Variants in PI4K2B observed in about 807,000 individuals in gnomAD.
The protein encoded by PI4K2B is phosphatidylinositol 4-kinase type 2 beta, also known as phosphatidylinositol 4-kinase type 2-beta.
A neutral mutation model predicts 56.6 loss-of-function variants in PI4K2B; 46 were observed. The ratio of observed to expected loss-of-function variants is 0.81; its 90% CI spans 0.64 to 1.04. The LOEUF is 1.04. Among genes scored for constraint, PI4K2B ranks in the 50% least tolerant of loss-of-function variants. The pLI, the probability that PI4K2B is intolerant of heterozygous loss-of-function variation, is 0.00. For missense variants in PI4K2B, 556 were observed against 607.7 expected, an observed-to-expected ratio of 0.91 and a Z score of 0.89; for synonymous variants, 211 against 223.8, an observed-to-expected ratio of 0.94 and a Z score of 0.51.
intron 3 of PI4K2B, among the ~76,000 whole-genome samples, chr4:25,255,829 C>T (rs1716243679): frequency 1.3e-5 from 2 of 150,896 alleles, no homozygotes; most frequent in African/African-American, 4.9e-5. Flanking sequence ...GGTGCAGCCT[C>T]ATCCTGCTGG....
At chr4:25,250,886 G>A (rs1716024000) in intron 1 of PI4K2B, among the ~76,000 whole-genome samples, 1 of 152,174 alleles carries the variant, frequency 6.6e-6, no homozygotes, top group African/African-American at 2.4e-5. Flanking sequence ...ACAACCTGCT[G>A]ATTGGATGTA....
chr4:25,258,663 GC>G (rs1716347001), intron 4 of PI4K2B, among the ~76,000 whole-genome samples: 1 of 151,786 alleles, frequency 6.6e-6, no homozygotes, highest in Non-Finnish European at 1.5e-5. Flanking sequence ...TACTGAATAA[GC>G]AGGATAGGTT....
chr4:25,265,176 CAA>C (rs1560378023), intron 7 of PI4K2B, among the ~76,000 whole-genome samples: 1 of 86,088 alleles, frequency 1.2e-5, no homozygotes, highest in Admixed American at 2.0e-4. Context: ...GCCTGGGCAA[CAA>C]GAGTAAATCT....
rs1292324560 is a variant in PI4K2B, at chr4:25,255,072, T to C, written c.431T>C (p.Ile144Thr). The change falls in exon 3 of 10, where the codon ATT becomes ACT. Residue 144 changes from isoleucine to threonine, a missense_variant. Coordinates refer to ENST00000264864, the MANE Select transcript of PI4K2B (RefSeq NM_018323.4). Reference protein sequence around the residue: ...YFVKDPKRKIIGVFKPKSEEP... With the variant: ...YFVKDPKRKITGVFKPKSEEP... Reference sequence around the variant, plus strand: ...TTTACTTTTTTGCTCTAGAAAATTATTGGTGTGTTTAAACCCAAATCAGAA... The same window carrying C: ...TTTACTTTTTTGCTCTAGAAAATTACTGGTGTGTTTAAACCCAAATCAGAA... 1.9e-6 allele frequency: 3 copies of C among 1,609,978 alleles called. No homozygotes were observed. Among genetic ancestry groups the C allele is most frequent in the Non-Finnish European group, 2.6e-6 (3 of 1,176,434 alleles).
intron 4 of PI4K2B, among the ~76,000 whole-genome samples, chr4:25,257,544 T>G (rs968874281): frequency 1.3e-5 from 2 of 152,226 alleles, no homozygotes; most frequent in African/African-American, 2.4e-5. Context: ...TTATCACCTT[T>G]AAGTAAACCT....
chr4:25,265,225 G>A lies in PI4K2B; in HGVS notation c.1078+1376G>A, dbSNP rs929434235. Among the ~76,000 whole-genome samples, 263 of 76,540 alleles carry A rather than the reference G, an allele frequency of 3.4e-3. 3 individuals are homozygous for A. Among genetic ancestry groups the A allele is most frequent in the African/African-American group, 0.013 (253 of 19,388 alleles). The allele number at this position is 76,540 out of a possible 152,430, so 50.2% of individuals were successfully genotyped here. A position where few individuals can be genotyped will look rare whatever the true frequency, so the allele number is the denominator to read the frequency against. On this transcript the variant is annotated intron_variant, in intron 7 of 9. Coordinates refer to ENST00000264864, the MANE Select transcript of PI4K2B (RefSeq NM_018323.4). ...AAAAAAAAAAAAAAAAAAAAAATTT[G>A]TATCCATGATATGTCTCTTTTAAAT...
At chr4:25,273,857 C>A (rs1717002273) in intron 9 of PI4K2B, among the ~76,000 whole-genome samples, 1 of 152,230 alleles carries the variant, frequency 6.6e-6, no homozygotes, top group African/African-American at 2.4e-5. Context: ...AGTCGGGCTC[C>A]AAACAGTGCA....
intron 4 of PI4K2B, among the ~76,000 whole-genome samples, chr4:25,258,680 T>A (rs1169339494): frequency 6.6e-6 from 1 of 152,150 alleles, no homozygotes; most frequent in Non-Finnish European, 1.5e-5. Flanking sequence ...AGGTTTAAAA[T>A]TTGGCCTCCA....
chr4:25,258,752 T>G (rs1716349218), intron 4 of PI4K2B, among the ~76,000 whole-genome samples: 1 of 152,204 alleles, frequency 6.6e-6, no homozygotes, highest in Non-Finnish European at 1.5e-5. Flanking sequence ...GAGTGTCACC[T>G]TGAAGACATG....
intron 1 of PI4K2B, among the ~76,000 whole-genome samples, chr4:25,248,270 A>T (rs1240021809): frequency 6.6e-6 from 1 of 152,228 alleles, no homozygotes; most frequent in Non-Finnish European, 1.5e-5. Flanking sequence ...AAGGACCAGT[A>T]ATAACCCTTA....
chr4:25,251,973 A>G (rs138424973), intron 1 of PI4K2B, among the ~76,000 whole-genome samples: 3,673 of 152,068 alleles, frequency 0.024, 138 homozygotes, highest in African/African-American at 0.084. Flanking sequence ...ACAGGTGCCC[A>G]CCACCACATC....
rs1487909613 is a variant in PI4K2B at position 25,277,178 on chromosome 4, C to T, written c.1437C>T (p.Ser479=). The change falls in exon 10 of 10, where the codon TCC becomes TCT. Residue 479 remains serine, a synonymous_variant. Transcript: ENST00000264864. The stretch of plus-strand genomic sequence containing the variant: ...TCAATTGCAGGAAGCCATTTTTTTC[C>T]TCCTGGTAGTAAATGTCAGAGTAAG... ...QTVNCRKPFF[S]SW 2.5e-6 allele frequency: 4 copies of T among 1,611,136 alleles called. No individual in the cohort carries two copies. The highest frequency in any genetic ancestry group is 1.3e-5 in the African/African-American group (1 of 74,828).
chr4:25,252,476 G>A lies in PI4K2B; in HGVS notation c.423+1G>A, dbSNP rs150512436. 6 of 1,598,816 alleles carry A rather than the reference G, an allele frequency of 3.8e-6. No homozygotes were observed. The Admixed American group carries it at 8.4e-5, about 22-fold the overall frequency. On this transcript the variant is annotated splice_donor_variant, in intron 2 of 9. Transcript: ENST00000264864. LOFTEE classifies it high-confidence loss of function. The stretch of plus-strand genomic sequence containing the variant: ...TTACTTTGTGAAGGATCCTAAGAGG[G>A]TGAGAATTTCACAGACCTATTATAT...
chr4:25,264,308 A>G lies in PI4K2B; in HGVS notation c.1078+459A>G, dbSNP rs552246908. Among the ~76,000 whole-genome samples the G allele has an allele frequency of 2.6e-5, 4 of 152,254 alleles. No homozygotes were observed. The East Asian group carries it at 5.8e-4, about 22-fold the overall frequency. On this transcript the variant is annotated intron_variant, in intron 7 of 9. Transcript: ENST00000264864. ...ACATCTTCTTGAACCAGTTTTAGGC[A>G]CTTTTATTTTGCTTAAAATTTTCCA...
At chr4:25,256,517 C>G in intron 3 of PI4K2B, 26 bp from the exon 4 acceptor site, 1 of 1,598,150 alleles carries the variant, frequency 6.3e-7, no homozygotes, top group East Asian at 2.2e-5. Flanking sequence ...AAATTCTAAC[C>G]ATTTTTCTGA....
chr4:25,276,007 GTTTA>G (rs1432749015), intron 9 of PI4K2B, among the ~76,000 whole-genome samples: 5 of 152,084 alleles, frequency 3.3e-5, no homozygotes, highest in South Asian at 2.1e-4. Context: ...GTATTATGAA[GTTTA>G]TTTATTAGTA....
intron 9 of PI4K2B, among the ~76,000 whole-genome samples, chr4:25,270,124 C>A (rs970268165): frequency 1.3e-5 from 2 of 152,154 alleles, no homozygotes; most frequent in African/African-American, 4.8e-5. Flanking sequence ...GGCATCACTA[C>A]CTTTTTCCCT....
In PI4K2B at chr4:25,277,051, G is replaced by A; in HGVS notation, c.1310G>A (p.Ser437Asn). ...NLTQALRDGK[S>N]PFQLVQIPCV... Reference sequence around the variant, plus strand: ...ACTCAGGCATTGAGAGACGGGAAGAGTCCTTTCCAGCTAGTACAGATACCT... The same window carrying A: ...ACTCAGGCATTGAGAGACGGGAAGAATCCTTTCCAGCTAGTACAGATACCT... The change falls in exon 10 of 10, where the codon AGT becomes AAT. Residue 437 changes from serine to asparagine, a missense_variant. Ser to Asn is a conservative substitution (Grantham distance 46, BLOSUM62 1). Transcript: ENST00000264864. The A allele has an allele frequency of 6.2e-7, 1 of 1,605,376 alleles. No individual in the cohort carries two copies. The highest frequency in any genetic ancestry group is 8.5e-7 in the Non-Finnish European group (1 of 1,173,682).
chr4:25,266,485 G>T (rs755752323), intron 7 of PI4K2B, among the ~76,000 whole-genome samples: 7 of 152,014 alleles, frequency 4.6e-5, no homozygotes, highest in Non-Finnish European at 7.4e-5. Context: ...AGCTTTTCCT[G>T]CCCTCTTATT....
Sources: gnomAD v4.1 joint callset for allele counts (sites outside exome capture counted in the v4.1 genomes callset) on GRCh38, gnomAD v4.1.1 for gene constraint, MANE v1.5 for transcripts, NCBI Gene and HGNC (gene_info 2026-07-23, HGNC 2026-07-21) for gene names.